Variants in STAU2 observed in about 807,000 individuals in gnomAD.
STAU2 encodes the protein double-stranded RNA-binding protein Staufen homolog 2.
Under a neutral mutation model 65.9 loss-of-function variants are expected in STAU2, and 20 were observed. The observed-to-expected ratio is 0.30, with a 90% CI of 0.21 to 0.44. The LOEUF (loss-of-function observed/expected upper bound fraction) is 0.44, where lower values mean the gene tolerates loss of function less well. STAU2 is among the 20% of genes least tolerant of loss of function. The pLI is 1.00. For synonymous variants in STAU2, 232 were observed against 233.9 expected (o/e 0.99, Z 0.07); for missense variants, 558 against 683.9 (o/e 0.82, Z 2.05).
intron 6 of STAU2, among the ~76,000 whole-genome samples, chr8:73,642,466 T>C (rs909505557): frequency 1.3e-5 from 2 of 151,956 alleles, no homozygotes; most frequent in African/African-American, 4.8e-5. Flanking sequence ...GAGGTCACAG[T>C]GAGCCAAGAT....
Position 73,511,092 on chromosome 8 carries a change from T to C in STAU2, c.1530+40920A>G, listed in dbSNP as rs544491048. Among the ~76,000 whole-genome samples, 24 of 152,344 alleles carry C rather than the reference T, an allele frequency of 1.6e-4. No individual in the cohort carries two copies. In the East Asian group the frequency reaches 2.3e-3, roughly 15 times the overall value. ...GGGTTCCTTCCTCTTTGGCTACTTA[T>C]GGTGTCGGTGCATGAGATGCTCTAT... is the stretch of plus-strand genomic sequence containing the variant. On this transcript the variant is annotated intron_variant, in intron 13 of 14. Transcript: ENST00000524300.
At chr8:73,643,707 C>T (rs1280451478) in intron 6 of STAU2, among the ~76,000 whole-genome samples, 1 of 152,158 alleles carries the variant, frequency 6.6e-6, no homozygotes, top group Non-Finnish European at 1.5e-5. Flanking sequence ...TTTGAAAATG[C>T]CCCCATGTTT....
chr8:73,643,046 C>T (rs916132888), intron 6 of STAU2, among the ~76,000 whole-genome samples: 5 of 152,188 alleles, frequency 3.3e-5, no homozygotes, highest in Admixed American at 1.3e-4. Context: ...ACATGAAACA[C>T]ATATTTGACA....
At chr8:73,663,978 T>C (rs1365089621) in intron 6 of STAU2, among the ~76,000 whole-genome samples, 1 of 152,230 alleles carries the variant, frequency 6.6e-6, no homozygotes, top group Non-Finnish European at 1.5e-5. Context: ...AAGATAGTTT[T>C]ATATCTCCTA....
chr8:73,670,525 TAGAGA>T (rs1817600484), intron 6 of STAU2: 1 of 151,834 alleles, frequency 6.6e-6, no homozygotes. Flanking sequence ...CTTCCTAGCA[TAGAGA>T]AAGCTCCCCC....
intron 13 of STAU2, among the ~76,000 whole-genome samples, chr8:73,505,856 G>A (rs1051050350): frequency 2.6e-5 from 4 of 152,066 alleles, no homozygotes; most frequent in African/African-American, 4.8e-5. Context: ...GATACCTCAT[G>A]AACGGTGTAG....
intron 13 of STAU2, among the ~76,000 whole-genome samples, chr8:73,430,901 C>A (rs1817220130): frequency 6.6e-6 from 1 of 152,196 alleles, no homozygotes. Flanking sequence ...TTTTGGAAGA[C>A]ATACTTGAAG....
chr8:73,611,287 G>A (rs1023143802), intron 9 of STAU2, among the ~76,000 whole-genome samples: 1 of 152,026 alleles, frequency 6.6e-6, no homozygotes, highest in African/African-American at 2.4e-5. Context: ...CATTTCAGAG[G>A]GTATCTACAA....
chr8:73,521,696 C>T (rs1375027835), intron 13 of STAU2, among the ~76,000 whole-genome samples: 1 of 152,196 alleles, frequency 6.6e-6, no homozygotes, highest in East Asian at 1.9e-4. Context: ...CAGCAAACTG[C>T]ACCTTCCAGT....
At chr8:73,535,208 C>T (rs753204669) in intron 13 of STAU2, among the ~76,000 whole-genome samples, 3 of 151,902 alleles carry the variant, frequency 2.0e-5, no homozygotes, top group Non-Finnish European at 2.9e-5. Flanking sequence ...CTCACTCTGT[C>T]GCCCAGGCTG....
intron 3 of STAU2, among the ~76,000 whole-genome samples, chr8:73,733,751 C>A (rs371580593): frequency 6.6e-6 from 1 of 152,008 alleles, no homozygotes; most frequent in East Asian, 1.9e-4. Flanking sequence ...AAATAAAATA[C>A]CACCTTTTGT....
intron 13 of STAU2, among the ~76,000 whole-genome samples, chr8:73,431,502 A>C (rs1026480630): frequency 2.0e-5 from 3 of 152,334 alleles, no homozygotes; most frequent in Admixed American, 2.0e-4. Context: ...ATTCATTTGC[A>C]TGTGACTGTG....
intron 13 of STAU2, among the ~76,000 whole-genome samples, chr8:73,531,581 C>T (rs1264762741): frequency 6.6e-6 from 1 of 152,114 alleles, no homozygotes; most frequent in East Asian, 1.9e-4. Flanking sequence ...ATATGGCTTT[C>T]TTCAGGTATA....
chr8:73,717,288 ATTTATCAATT>A (rs764357758), intron 3 of STAU2, among the ~76,000 whole-genome samples: 12 of 152,124 alleles, frequency 7.9e-5, no homozygotes, highest in Admixed American at 2.6e-4. Flanking sequence ...TAATAGTCTA[ATTTATCAATT>A]TTTATAGTTT....
At chr8:73,551,965 G>T in intron 13 of STAU2, 47 bp downstream of exon 13, 2 of 1,518,874 alleles carry the variant, frequency 1.3e-6, no homozygotes, top group Non-Finnish European at 1.8e-6. Context: ...TGAAGAATCT[G>T]AGGCTAATGA....
chr8:73,543,052 T>C (rs1585970545), intron 13 of STAU2, among the ~76,000 whole-genome samples: 2 of 152,284 alleles, frequency 1.3e-5, no homozygotes, highest in East Asian at 3.9e-4. Flanking sequence ...ACAGGCAAAC[T>C]GAAACAATTT....
intron 6 of STAU2, among the ~76,000 whole-genome samples, chr8:73,635,694 AGGCAAC>A: frequency 6.6e-6 from 1 of 151,784 alleles, no homozygotes; most frequent in South Asian, 2.1e-4. Flanking sequence ...GCATGGTGGC[AGGCAAC>A]TGTAATCCCA....
At chr8:73,712,648 T>C (rs1386070323) in intron 3 of STAU2, among the ~76,000 whole-genome samples, 4 of 152,210 alleles carry the variant, frequency 2.6e-5, no homozygotes, top group Non-Finnish European at 4.4e-5. Context: ...GATAAATTGA[T>C]TTTACTCATA....
Position 73,724,691 on chromosome 8 carries a change from A to T in STAU2, c.-18+13593T>A, listed in dbSNP as rs1014523106. The stretch of plus-strand genomic sequence containing the variant: ...TGTGTGTGTGTATATATATATATAT[A>T]TTTTTTTTTTTTTTCTGAGTCAAGG... On this transcript the variant is annotated intron_variant, in intron 3 of 14. Coordinates refer to ENST00000524300, the MANE Select transcript of STAU2 (RefSeq NM_001164380.2). Among the ~76,000 whole-genome samples, 1,033 of 142,092 alleles carry T rather than the reference A, an allele frequency of 7.3e-3. 7 individuals carry two copies. The highest frequency in any genetic ancestry group is 0.012 in the African/African-American group (455 of 37,942). 93.2% of individuals were successfully genotyped at this position (142,092 alleles called of 152,430 possible).
Sources: allele counts gnomAD v4.1 joint callset (sites outside exome capture counted in the v4.1 genomes callset), GRCh38; gene constraint gnomAD v4.1.1; transcripts MANE v1.5; gene names NCBI Gene and HGNC (gene_info 2026-07-23, HGNC 2026-07-21).